Variants in CDC42SE2 observed in about 807,000 individuals in gnomAD.
CDC42SE2 encodes the protein CDC42 small effector protein 2.
CDC42SE2 carries 3 observed loss-of-function variants against 11.5 expected under a neutral mutation model. The ratio of observed to expected loss-of-function variants is 0.26; its 90% CI spans 0.12 to 0.67. The LOEUF is 0.67. CDC42SE2 is among the 30% of genes least tolerant of loss of function. CDC42SE2 has a pLI of 0.80. For synonymous variants in CDC42SE2, 33 were observed against 34.8 expected, an observed-to-expected ratio of 0.95 and a Z score of 0.18; for missense variants, 82 against 106.8, an observed-to-expected ratio of 0.77 and a Z score of 1.02.
intron 3 of CDC42SE2, among the ~76,000 whole-genome samples, chr5:131,380,494 A>G (rs1750290513): frequency 6.6e-6 from 1 of 152,196 alleles, no homozygotes; most frequent in African/African-American, 2.4e-5. Flanking sequence ...CATTCTTTAA[A>G]TGTCCACATT....
chr5:131,347,802 C>T (rs758442938), intron 2 of CDC42SE2, among the ~76,000 whole-genome samples: 12 of 152,140 alleles, frequency 7.9e-5, no homozygotes, highest in South Asian at 2.1e-4. Flanking sequence ...TTATGTACCA[C>T]GATCAAGTGG....
In CDC42SE2 at chr5:131,330,815, G is replaced by A. The variant is rs561659118; in HGVS notation, c.-286+14671G>A. The stretch of plus-strand genomic sequence containing the variant: ...GAGGAGCACTTGAGTCCAGGAGTTC[G>A]AGACTAGCCTGGGAAACATATAGAC... On this transcript the variant is annotated intron_variant, in intron 2 of 4. Coordinates refer to ENST00000505065, the MANE Select transcript of CDC42SE2 (RefSeq NM_001375635.1). 7.0e-5 allele frequency among the ~76,000 whole-genome samples: 10 copies of A among 143,444 alleles called. No homozygotes were observed. In the South Asian group the frequency reaches 1.8e-3, roughly 25 times the overall value. The allele number at this position is 143,444 out of a possible 152,430, so 94.1% of individuals were successfully genotyped here.
intron 1 of CDC42SE2, among the ~76,000 whole-genome samples, chr5:131,310,393 T>A (rs910169133): frequency 6.6e-6 from 1 of 151,752 alleles, no homozygotes; most frequent in African/African-American, 2.4e-5. Context: ...GGAATAGGTG[T>A]GGTGTGGTGC....
At chr5:131,244,555 A>G (rs1756564589), upstream of CDC42SE2, among the ~76,000 whole-genome samples, 1 of 152,200 alleles carries the variant, frequency 6.6e-6, no homozygotes, top group Non-Finnish European at 1.5e-5. Context: ...TACAAAAAAT[A>G]GAAAAATTAG....
At chr5:131,266,880 C>G (rs1474703449) in intron 1 of CDC42SE2, among the ~76,000 whole-genome samples, 1 of 150,420 alleles carries the variant, frequency 6.6e-6, no homozygotes, top group African/African-American at 2.4e-5. Flanking sequence ...TGATGACAAA[C>G]CTACTTGTAA....
chr5:131,365,347 C>G (rs1416259791), intron 3 of CDC42SE2, among the ~76,000 whole-genome samples: 1 of 151,766 alleles, frequency 6.6e-6, no homozygotes, highest in East Asian at 1.9e-4. Flanking sequence ...GAGGATGAAC[C>G]AACAATTCCC....
At chr5:131,375,317 G>C (rs573826496) in intron 3 of CDC42SE2, among the ~76,000 whole-genome samples, 34 of 152,240 alleles carry the variant, frequency 2.2e-4, no homozygotes, top group African/African-American at 7.5e-4. Context: ...GTAGGAAAAG[G>C]TTAGTTACCT....
chr5:131,307,991 C>G lies in CDC42SE2; in HGVS notation c.-454-7985C>G, dbSNP rs189028326. Among the ~76,000 whole-genome samples, 24 of 152,190 alleles carry G rather than the reference C, an allele frequency of 1.6e-4. 1 individual carries two copies. The South Asian group carries it at 4.1e-3, about 26-fold the overall frequency. The stretch of plus-strand genomic sequence containing the variant: ...AGCCCTTTGTCAGATGAGTAGGTTG[C>G]GAAAATTTTCTCCCATTGTGTAGGT... On this transcript the variant is annotated intron_variant, in intron 1 of 4. Coordinates refer to ENST00000505065, the MANE Select transcript of CDC42SE2 (RefSeq NM_001375635.1).
intron 1 of CDC42SE2, among the ~76,000 whole-genome samples, chr5:131,285,765 A>G (rs1757327301): frequency 6.6e-6 from 1 of 152,210 alleles, no homozygotes; most frequent in Non-Finnish European, 1.5e-5. Flanking sequence ...ATAAGCCCAT[A>G]GCTGTGACTG....
chr5:131,249,906 T>C (rs974541059), intron 1 of CDC42SE2, among the ~76,000 whole-genome samples: 1 of 152,088 alleles, frequency 6.6e-6, no homozygotes, highest in Non-Finnish European at 1.5e-5. Context: ...CATAGGGAGA[T>C]ATCATTTTAC....
the CDC42SE2 span, among the ~76,000 whole-genome samples, chr5:131,214,021 A>T: frequency 6.6e-6 from 1 of 152,236 alleles, no homozygotes; most frequent in Non-Finnish European, 1.5e-5. Context: ...TTAGGGTGGA[A>T]GACCAGCAAG....
chr5:131,338,735 C>G (rs561325579), intron 2 of CDC42SE2, among the ~76,000 whole-genome samples: 137 of 152,286 alleles, frequency 9.0e-4, no homozygotes, highest in South Asian at 2.3e-3. Context: ...ATCCAGAATT[C>G]AAACTTAGGC....
chr5:131,341,991 T>G (rs1758721492), intron 2 of CDC42SE2, among the ~76,000 whole-genome samples: 1 of 151,960 alleles, frequency 6.6e-6, no homozygotes, highest in Non-Finnish European at 1.5e-5. Flanking sequence ...ATTATAAAAG[T>G]TAATACCACG....
intron 1 of CDC42SE2, among the ~76,000 whole-genome samples, chr5:131,313,887 G>A (rs111715382): frequency 7.6e-4 from 115 of 152,190 alleles, no homozygotes; most frequent in African/African-American, 2.6e-3. Flanking sequence ...TAGTGCAGTG[G>A]CATGATCTTG....
chr5:131,354,841 TTTAAA>T (rs1476727792), intron 2 of CDC42SE2: 1 of 152,168 alleles, frequency 6.6e-6, no homozygotes, highest in Non-Finnish European at 1.5e-5. Flanking sequence ...AAATTTAAAA[TTTAAA>T]TTAAATTAAA....
At chr5:131,249,367 A>G (rs777659165) in intron 1 of CDC42SE2, among the ~76,000 whole-genome samples, 1 of 152,206 alleles carries the variant, frequency 6.6e-6, no homozygotes, top group Non-Finnish European at 1.5e-5. Flanking sequence ...CCCAGTAACT[A>G]TTAATATTTA....
intron 3 of CDC42SE2, among the ~76,000 whole-genome samples, chr5:131,384,168 CAT>C (rs1021243568): frequency 3.9e-5 from 6 of 152,304 alleles, no homozygotes; most frequent in South Asian, 2.1e-4. Context: ...GGATGAATAA[CAT>C]AAATATTTCA....
At chr5:131,258,313 A>G (rs1039082900) in intron 2 of CDC42SE2, among the ~76,000 whole-genome samples, 29 of 151,852 alleles carry the variant, frequency 1.9e-4, no homozygotes, top group Admixed American at 9.2e-4. Context: ...TCATATTTTT[A>G]ACTTTAACAA....
At position 131,359,389 on chromosome 5, in the gene CDC42SE2, A is replaced by C. The variant is rs1264727914; in HGVS notation, c.-105A>C. The C allele has an allele frequency of 1.2e-6, 1 of 833,252 alleles. No individual in the cohort carries two copies. Among genetic ancestry groups the C allele is most frequent in the Non-Finnish European group, 2.1e-6 (1 of 473,252 alleles). 51.6% of individuals were successfully genotyped at this position (833,252 alleles called of 1,614,324 possible). A position where few individuals can be genotyped will look rare whatever the true frequency, so the allele number is the denominator to read the frequency against. On this transcript the variant is annotated 5_prime_UTR_variant, in exon 3 of 5. Coordinates refer to ENST00000505065, the MANE Select transcript of CDC42SE2 (RefSeq NM_001375635.1). ...AAACACGGTGAAATAATAAAATTTC[A>C]TCTTGGCATCACTGGACATCATCGT...
Sources: gnomAD v4.1 joint callset for allele counts (sites outside exome capture counted in the v4.1 genomes callset) on GRCh38, gnomAD v4.1.1 for gene constraint, MANE v1.5 for transcripts, NCBI Gene and HGNC (gene_info 2026-07-23, HGNC 2026-07-21) for gene names.